IMPG2: variants seen among roughly 807,000 people sequenced by gnomAD.
IMPG2 encodes the protein IPM 200.
IMPG2 carries 91 observed loss-of-function variants against 129.2 expected under a neutral mutation model. That is an observed-to-expected ratio of 0.70 (90% CI 0.59 to 0.84). The LOEUF is 0.84. Ranked by LOEUF, IMPG2 falls within the 40% of genes least tolerant of loss-of-function variation. The pLI is 0.00. For missense variants in IMPG2, 1,430 were observed against 1,461.7 expected (o/e 0.98, Z 0.35); for synonymous variants, 510 against 517.7 (o/e 0.99, Z 0.20).
chr3:101,310,365 T>C (rs1309613229), intron 2 of IMPG2, among the ~76,000 whole-genome samples: 1 of 152,014 alleles, frequency 6.6e-6, no homozygotes, highest in Non-Finnish European at 1.5e-5. Context: ...AGTTCAAGAT[T>C]AGCCTGGGCA....
At chr3:101,315,320 T>C (rs1053621729) in intron 2 of IMPG2, among the ~76,000 whole-genome samples, 1 of 152,172 alleles carries the variant, frequency 6.6e-6, no homozygotes, top group Non-Finnish European at 1.5e-5. Flanking sequence ...TATTTTTTAC[T>C]GTGAAGTACT....
Position 101,225,084 on chromosome 3 carries a change from C to T in IMPG2, c.*1885G>A, listed in dbSNP as rs1429866958. 2.0e-5 allele frequency: 3 copies of T among 152,164 alleles called. No individual in the cohort carries two copies. The highest frequency in any genetic ancestry group is 6.5e-5 in the Admixed American group (1 of 15,280). 9.4% of individuals were successfully genotyped at this position (152,164 alleles called of 1,614,324 possible). On this transcript the variant is annotated 3_prime_UTR_variant, in exon 19 of 19. Transcript: ENST00000193391. ...TGATAAAATACACTTTCATCTAACA[C>T]GTAGTATAGGAAAACAGTTTACAGT...
At chr3:101,264,769 G>GC (rs1450316331) in intron 9 of IMPG2, among the ~76,000 whole-genome samples, 2 of 151,946 alleles carry the variant, frequency 1.3e-5, no homozygotes, top group East Asian at 3.9e-4. Flanking sequence ...ATCCCTGTTT[G>GC]CCGATCATGT....
intron 10 of IMPG2, among the ~76,000 whole-genome samples, chr3:101,256,479 T>A (rs1706611773): frequency 6.6e-6 from 1 of 152,150 alleles, no homozygotes; most frequent in African/African-American, 2.4e-5. Flanking sequence ...TGTTCTTCCC[T>A]ACCTTGCCTT....
At chr3:101,297,561 C>A (rs1707093824) in intron 3 of IMPG2, among the ~76,000 whole-genome samples, 1 of 152,198 alleles carries the variant, frequency 6.6e-6, no homozygotes, top group Non-Finnish European at 1.5e-5. Context: ...CCTCTTAACA[C>A]TGCTTTAGCT....
chr3:101,283,461 T>C (rs1255242140), intron 4 of IMPG2, among the ~76,000 whole-genome samples: 8 of 152,218 alleles, frequency 5.3e-5, no homozygotes, highest in Admixed American at 3.9e-4. Context: ...TATCATGTTA[T>C]AGTAGAACTA....
intron 4 of IMPG2, among the ~76,000 whole-genome samples, chr3:101,285,595 T>C (rs1281780826): frequency 1.3e-5 from 2 of 152,168 alleles, no homozygotes; most frequent in Non-Finnish European, 2.9e-5. Flanking sequence ...CCAGGCCACA[T>C]GGTACGTATT....
chr3:101,243,852 G>T lies in IMPG2; in HGVS notation c.2479C>A (p.Leu827Ile). The change falls in exon 13 of 19, where the codon CTA becomes ATA. Residue 827 changes from leucine (L) to isoleucine (I), a missense_variant. Coordinates refer to ENST00000193391, the MANE Select transcript of IMPG2 (RefSeq NM_016247.4). ...ACACCCATAATTACTTCATCCTCTA[G>T]CAGGGTGGAGATTGTGGTTGGAGGC... ...KLPPTTISTL[L>I]EDEVIMGVQD... 6.2e-7 allele frequency: 1 copy of T among 1,614,142 alleles called. No homozygotes were observed. The highest frequency in any genetic ancestry group is 2.2e-5 in the East Asian group (1 of 44,876).
intron 11 of IMPG2, among the ~76,000 whole-genome samples, chr3:101,249,255 T>A (rs1706518397): frequency 6.6e-6 from 1 of 152,204 alleles, no homozygotes; most frequent in South Asian, 2.1e-4. Flanking sequence ...ATGATTCTGT[T>A]ACTGTTGAGA....
chr3:101,244,996 G>A (rs1296177695), intron 12 of IMPG2, among the ~76,000 whole-genome samples: 1 of 151,688 alleles, frequency 6.6e-6, no homozygotes, highest in Non-Finnish European at 1.5e-5. Context: ...TCTCCTTCTC[G>A]AGGATAACAA....
At chr3:101,252,642 A>G (rs1706556873) in intron 11 of IMPG2, among the ~76,000 whole-genome samples, 1 of 152,136 alleles carries the variant, frequency 6.6e-6, no homozygotes, top group Non-Finnish European at 1.5e-5. Context: ...ATACACACCA[A>G]ATGAATGTAC....
In IMPG2 at chr3:101,273,700, G is replaced by A; in HGVS notation, c.709C>T (p.Pro237Ser). The A allele has an allele frequency of 1.9e-6, 3 of 1,614,064 alleles. No homozygotes were observed. Among genetic ancestry groups the A allele is most frequent in the South Asian group, 1.1e-5 (1 of 91,080 alleles). Residue 237 changes from proline to serine, a missense_variant, in exon 7 of 19, where the codon CCA (proline) becomes TCA (serine). Pro to Ser is a moderately conservative substitution (Grantham distance 74, BLOSUM62 -1). Coordinates refer to ENST00000193391, the MANE Select transcript of IMPG2 (RefSeq NM_016247.4). The part of the protein sequence containing the change: ...IENVIEEATK[P>S]AGEQIAEFSI... ...AATTCTGCAATCTGTTCACCTGCTGGTTTTGTGGCTTCTTCTATCACATTC... is the reference window on the plus strand; with the variant it reads ...AATTCTGCAATCTGTTCACCTGCTGATTTTGTGGCTTCTTCTATCACATTC...
At chr3:101,256,164 A>AGAAG (rs1384461671) in intron 10 of IMPG2, among the ~76,000 whole-genome samples, 20 of 144,974 alleles carry the variant, frequency 1.4e-4, no homozygotes, top group African/African-American at 4.9e-4. Flanking sequence ...AAAGAAAGAA[A>AGAAG]GAAAGAAAGA....
chr3:101,319,715 C>T lies in IMPG2; in HGVS notation c.203G>A (p.Arg68His), dbSNP rs756723730. The T allele has an allele frequency of 1.2e-6, 2 of 1,613,644 alleles. No individual in the cohort carries two copies. The highest frequency in any genetic ancestry group is 1.1e-5 in the South Asian group (1 of 91,074). The change falls in exon 2 of 19, where the codon CGC becomes CAC. Residue 68 changes from arginine (R) to histidine (H), a missense_variant. Coordinates refer to ENST00000193391, the MANE Select transcript of IMPG2 (RefSeq NM_016247.4). The stretch of plus-strand genomic sequence containing the variant: ...TAACCACTGTCTTTCAGTTTCTCTG[C>T]GGTCCAGAGGCTGTTTCTTTTTGGT... ...LATKKKQPLDRRETERQWLIR... is the reference protein window; with the variant it reads ...LATKKKQPLDHRETERQWLIR...
At chr3:101,266,037 A>G (rs1272627698) in intron 9 of IMPG2, among the ~76,000 whole-genome samples, 3 of 152,208 alleles carry the variant, frequency 2.0e-5, no homozygotes, top group African/African-American at 7.2e-5. Flanking sequence ...TATTATCAAA[A>G]AGACAAAAAA....
At chr3:101,255,796 A>G (rs1278513584) in intron 10 of IMPG2, among the ~76,000 whole-genome samples, 1 of 152,042 alleles carries the variant, frequency 6.6e-6, no homozygotes, top group Non-Finnish European at 1.5e-5. Flanking sequence ...AGATTCAACA[A>G]TGACAAAGAA....
At chr3:101,263,064 A>G in intron 9 of IMPG2, among the ~76,000 whole-genome samples, 1 of 152,098 alleles carries the variant, frequency 6.6e-6, no homozygotes, top group East Asian at 1.9e-4. Context: ...CTATTATTAG[A>G]TATAAATGGA....
chr3:101,283,118 G>A (rs2107119668), intron 4 of IMPG2, among the ~76,000 whole-genome samples: 1 of 152,262 alleles, frequency 6.6e-6, no homozygotes, highest in South Asian at 2.1e-4. Flanking sequence ...TGCCTCTCAG[G>A]TTCAAGCTAT....
Position 101,228,838 on chromosome 3 carries a change from G to C in IMPG2, c.3672C>G (p.Ala1224=). The change falls in exon 18 of 19, where the codon GCC becomes GCG. Residue 1224 remains alanine (A), a synonymous_variant. Transcript: ENST00000193391. ...CAAAAGCTGCAAACTCAGGATCATT[G>C]GCATACAGTTCCAAAACTCTCATTC... ...QERMRVLELY[A]NDPEFAAFVR... 1 of 1,613,888 alleles carries C rather than the reference G, an allele frequency of 6.2e-7. No homozygotes were observed. Among genetic ancestry groups the C allele is most frequent in the Non-Finnish European group, 8.5e-7 (1 of 1,179,892 alleles).
Sources: gnomAD v4.1 joint callset for allele counts (sites outside exome capture counted in the v4.1 genomes callset) on GRCh38, gnomAD v4.1.1 for gene constraint, MANE v1.5 for transcripts, NCBI Gene and HGNC (gene_info 2026-07-23, HGNC 2026-07-21) for gene names.